Variants in RBFOX1 observed in about 807,000 individuals in gnomAD.
RBFOX1 encodes the protein RNA binding protein fox-1 homolog 1.
Under a neutral mutation model 57.7 loss-of-function variants are expected in RBFOX1, and 8 were observed. That is an observed-to-expected ratio of 0.14 (90% confidence interval 0.08 to 0.25). The LOEUF (loss-of-function observed/expected upper bound fraction) is 0.25, where lower values mean the gene tolerates loss of function less well. Ranked by LOEUF, RBFOX1 falls within the 10% of genes least tolerant of loss-of-function variation. The probability of loss-of-function intolerance (pLI) is 1.00; values close to 1 mark genes in which losing one functional copy is unlikely to be tolerated. For synonymous variants in RBFOX1, 326 were observed against 222.4 expected (o/e 1.47, Z -4.15); for missense variants, 611 against 548.5 (o/e 1.11, Z -1.14).
At chr16:5,293,589 A>G (rs1339755775) in intron 1 of RBFOX1, among the ~76,000 whole-genome samples, 1 of 152,178 alleles carries the variant, frequency 6.6e-6, no homozygotes, top group African/African-American at 2.4e-5. Flanking sequence ...CATTGTATGG[A>G]TATAGCACAT....
intron 2 of RBFOX1, among the ~76,000 whole-genome samples, chr16:6,603,259 C>A (rs955170417): frequency 1.3e-5 from 2 of 152,152 alleles, no homozygotes; most frequent in Admixed American, 6.5e-5. Flanking sequence ...AAAGGAGAGA[C>A]TGACCCCGGG....
intron 10 of RBFOX1, among the ~76,000 whole-genome samples, chr16:7,610,363 C>T (rs575182472): frequency 2.1e-4 from 32 of 151,488 alleles, no homozygotes; most frequent in South Asian, 6.3e-4. Flanking sequence ...TCAAGTGATG[C>T]GCCCAGCCTG....
rs140275790 is a variant in RBFOX1 at position 7,442,788 on chromosome 16, A to G, written c.28-75359A>G. Among the ~76,000 whole-genome samples, 506 of 152,262 alleles carry G rather than the reference A, an allele frequency of 3.3e-3. 1 individual carries two copies. The highest frequency in any genetic ancestry group is 0.012 in the African/African-American group (493 of 41,544). ...ACCATGGCCTCAGACGTCGATCGTC[A>G]CCCACCAGATCAGCTAATTTGGTCA... is the stretch of plus-strand genomic sequence containing the variant. On this transcript the variant is annotated intron_variant, in intron 4 of 15. Transcript: ENST00000550418.
chr16:6,971,040 C>G lies in RBFOX1; in HGVS notation c.-15-81017C>G, dbSNP rs569530313. Among the ~76,000 whole-genome samples the G allele has an allele frequency of 1.6e-4, 25 of 152,312 alleles. No homozygotes were observed. The South Asian group carries it at 3.5e-3, about 21-fold the overall frequency. The stretch of plus-strand genomic sequence containing the variant: ...AGATATTTCTTGAGAACCATACTAT[C>G]TAATCTGTCCAAGACATAATGATGA... On this transcript the variant is annotated intron_variant, in intron 3 of 15. Coordinates refer to ENST00000550418, the MANE Select transcript of RBFOX1 (RefSeq NM_018723.4).
At chr16:7,002,440 C>T (rs991545696) in intron 3 of RBFOX1, among the ~76,000 whole-genome samples, 5 of 152,214 alleles carry the variant, frequency 3.3e-5, no homozygotes, top group South Asian at 4.1e-4. Context: ...TTTCGCTGGG[C>T]GCGATGGCTC....
intron 4 of RBFOX1, among the ~76,000 whole-genome samples, chr16:5,902,319 C>G (rs1051368157): frequency 3.9e-5 from 6 of 152,080 alleles, no homozygotes; most frequent in African/African-American, 1.4e-4. Flanking sequence ...GAATTTGAAC[C>G]CAAATTTGGG....
At chr16:6,395,880 A>G (rs2152942293) in intron 2 of RBFOX1, among the ~76,000 whole-genome samples, 1 of 151,992 alleles carries the variant, frequency 6.6e-6, no homozygotes, top group Admixed American at 6.6e-5. Flanking sequence ...AGCCTGGGCA[A>G]CACAGTGAAA....
intron 3 of RBFOX1, among the ~76,000 whole-genome samples, chr16:6,961,733 C>G (rs1437418309): frequency 6.6e-6 from 1 of 152,126 alleles, no homozygotes; most frequent in African/African-American, 2.4e-5. Context: ...TATAGGGTAG[C>G]TTGTGATTGT....
chr16:6,713,557 C>G (rs972860154), intron 3 of RBFOX1, among the ~76,000 whole-genome samples: 1 of 152,046 alleles, frequency 6.6e-6, no homozygotes, highest in Non-Finnish European at 1.5e-5. Context: ...GTTGAGACAA[C>G]CACAAATCTC....
intron 3 of RBFOX1, among the ~76,000 whole-genome samples, chr16:6,696,473 T>C (rs1292198904): frequency 6.6e-6 from 1 of 152,216 alleles, no homozygotes; most frequent in South Asian, 2.1e-4. Flanking sequence ...TTGGAGTCGA[T>C]GTAAATCCAG....
At chr16:7,492,872 C>T (rs1567484767) in intron 4 of RBFOX1, among the ~76,000 whole-genome samples, 2 of 152,092 alleles carry the variant, frequency 1.3e-5, no homozygotes, top group African/African-American at 2.4e-5. Flanking sequence ...CAAACTGATG[C>T]TGGCACCAAC....
chr16:5,637,654 CA>C (rs1308091341), intron 3 of RBFOX1, among the ~76,000 whole-genome samples: 1 of 152,184 alleles, frequency 6.6e-6, no homozygotes, highest in African/African-American at 2.4e-5. Context: ...ACCATTTGGG[CA>C]GTCTCTACTT....
chr16:7,085,846 C>T (rs56292912), intron 4 of RBFOX1, among the ~76,000 whole-genome samples: 28,231 of 152,100 alleles, frequency 0.19, 5,976 homozygotes, highest in African/African-American at 0.52. Flanking sequence ...GGTTTTAGCA[C>T]TGAAAATCCT....
intron 2 of RBFOX1, among the ~76,000 whole-genome samples, chr16:5,476,907 C>T (rs2069344752): frequency 1.3e-5 from 2 of 152,238 alleles, no homozygotes; most frequent in South Asian, 4.1e-4. Context: ...ATAAAAATGT[C>T]TACCTCTCCA....
At position 6,404,704 on chromosome 16, in the gene RBFOX1, C is replaced by T. The variant is rs575337312; in HGVS notation, c.-64+87647C>T. Among the ~76,000 whole-genome samples the T allele has an allele frequency of 2.0e-5, 3 of 152,234 alleles. No homozygotes were observed. In the East Asian group the frequency reaches 5.8e-4, roughly 29 times the overall value. On this transcript the variant is annotated intron_variant, in intron 2 of 15. Transcript: ENST00000550418. ...CCAGGCAAACTTGGGTGGTTGGTCA[C>T]CTTTTGCTGTTCCCAGATTCTTTCC...
intron 4 of RBFOX1, among the ~76,000 whole-genome samples, chr16:7,277,873 A>C (rs1324139823): frequency 6.6e-6 from 1 of 152,096 alleles, no homozygotes; most frequent in African/African-American, 2.4e-5. Context: ...TCTTCTAGAG[A>C]CATTCTTATT....
intron 3 of RBFOX1, among the ~76,000 whole-genome samples, chr16:5,721,616 C>G (rs922994094): frequency 1.3e-5 from 2 of 152,108 alleles, no homozygotes; most frequent in African/African-American, 4.8e-5. Context: ...CATAGATTCC[C>G]TTTATAATTT....
intron 3 of RBFOX1, among the ~76,000 whole-genome samples, chr16:6,768,250 C>T (rs565423137): frequency 5.3e-5 from 8 of 152,146 alleles, no homozygotes; most frequent in Middle Eastern, 3.4e-3. Flanking sequence ...CTTTTTACTC[C>T]ATATACTTTT....
intron 5 of RBFOX1, among the ~76,000 whole-genome samples, chr16:7,555,728 C>G (rs927374820): frequency 6.6e-6 from 1 of 152,132 alleles, no homozygotes; most frequent in Non-Finnish European, 1.5e-5. Context: ...GCTATTATTG[C>G]CTGAGCTCTC....
Sources: allele counts gnomAD v4.1 joint callset (sites outside exome capture counted in the v4.1 genomes callset), GRCh38; gene constraint gnomAD v4.1.1; transcripts MANE v1.5; gene names NCBI Gene and HGNC (gene_info 2026-07-23, HGNC 2026-07-21).